The following ARL15 variants were observed in gnomAD, a reference collection of about 807,000 sequenced individuals.
ARL15 encodes the protein ADP-ribosylation factor-like protein 15.
Under a neutral mutation model 25.2 loss-of-function variants are expected in ARL15, and 19 were observed. The observed-to-expected ratio is 0.75, with a 90% CI of 0.53 to 1.10. The LOEUF (loss-of-function observed/expected upper bound fraction) is 1.10. Among genes scored for constraint, ARL15 ranks in the 50% least tolerant of loss-of-function variants. The probability of loss-of-function intolerance (pLI) is 0.00; values close to 1 mark genes in which losing one functional copy is unlikely to be tolerated. For missense variants in ARL15, 220 were observed against 246.0 expected (o/e 0.89, Z 0.71); for synonymous variants, 94 against 86.8 (o/e 1.08, Z -0.46).
At chr5:54,185,457 T>C (rs1009864123) in intron 1 of ARL15, among the ~76,000 whole-genome samples, 1 of 152,212 alleles carries the variant, frequency 6.6e-6, no homozygotes, top group Non-Finnish European at 1.5e-5. Flanking sequence ...TGATTTGCCA[T>C]CCATCTTCCC....
intron 4 of ARL15, among the ~76,000 whole-genome samples, chr5:54,064,730 TAA>T (rs11318177): frequency 1.8e-4 from 26 of 148,084 alleles, no homozygotes; most frequent in South Asian, 2.1e-4. Flanking sequence ...ATCTAGTGAG[TAA>T]AAAAAAAAAA....
intron 4 of ARL15, among the ~76,000 whole-genome samples, chr5:54,026,119 A>G (rs1398830623): frequency 6.6e-6 from 1 of 152,200 alleles, no homozygotes; most frequent in African/African-American, 2.4e-5. Context: ...TTAATGCTGA[A>G]TTTTTAGACT....
intron 2 of ARL15, among the ~76,000 whole-genome samples, chr5:54,162,636 A>G (rs574953510): frequency 8.5e-5 from 13 of 152,220 alleles, no homozygotes; most frequent in African/African-American, 3.1e-4. Flanking sequence ...AATGAACTCA[A>G]TATTTGGCTA....
At chr5:54,293,904 C>T (rs1180912014) in intron 1 of ARL15, among the ~76,000 whole-genome samples, 1 of 152,152 alleles carries the variant, frequency 6.6e-6, no homozygotes, top group Non-Finnish European at 1.5e-5. Context: ...TCTCAGCTCA[C>T]TGCAACCTCC....
intron 4 of ARL15, among the ~76,000 whole-genome samples, chr5:54,032,427 G>A (rs1750022004): frequency 6.6e-6 from 1 of 152,006 alleles, no homozygotes; most frequent in African/African-American, 2.4e-5. Flanking sequence ...CACAGACAGG[G>A]TTTCATCATG....
chr5:53,930,554 GC>G (rs1746165394), intron 4 of ARL15, among the ~76,000 whole-genome samples: 1 of 152,160 alleles, frequency 6.6e-6, no homozygotes, highest in South Asian at 2.1e-4. Flanking sequence ...TAGAAAGGAG[GC>G]AGAGGTATTG....
At chr5:54,055,015 A>C (rs1436014992) in intron 4 of ARL15, among the ~76,000 whole-genome samples, 1 of 152,196 alleles carries the variant, frequency 6.6e-6, no homozygotes, top group Admixed American at 6.5e-5. Context: ...ATACCACACA[A>C]TTTATGCACT....
intron 4 of ARL15, among the ~76,000 whole-genome samples, chr5:54,015,360 T>A (rs1749395781): frequency 6.6e-6 from 1 of 151,192 alleles, no homozygotes; most frequent in Admixed American, 6.6e-5. Flanking sequence ...TTCCCAAACC[T>A]GAAAAAAATC....
At chr5:54,220,488 G>A (rs1756343360) in intron 1 of ARL15, among the ~76,000 whole-genome samples, 1 of 152,166 alleles carries the variant, frequency 6.6e-6, no homozygotes, top group African/African-American at 2.4e-5. Context: ...TGTTTGACCT[G>A]TTTCATTTCC....
intron 4 of ARL15, among the ~76,000 whole-genome samples, chr5:54,029,323 C>CCACCAA (rs1749891890): frequency 8.5e-6 from 1 of 117,524 alleles, no homozygotes; most frequent in Non-Finnish European, 1.8e-5. Flanking sequence ...ACCACCACCA[C>CCACCAA]CACCACCACT....
At chr5:54,033,972 C>A (rs1750087925) in intron 4 of ARL15, among the ~76,000 whole-genome samples, 1 of 152,058 alleles carries the variant, frequency 6.6e-6, no homozygotes. Flanking sequence ...CGCCACCATG[C>A]CCGGCTAATT....
At chr5:54,065,055 A>T (rs1751176862) in intron 4 of ARL15, among the ~76,000 whole-genome samples, 1 of 152,186 alleles carries the variant, frequency 6.6e-6, no homozygotes, top group Non-Finnish European at 1.5e-5. Context: ...ACTGAATAGC[A>T]AGTAAGATAT....
chr5:54,272,286 A>G (rs1477815304), intron 1 of ARL15, among the ~76,000 whole-genome samples: 3 of 151,996 alleles, frequency 2.0e-5, no homozygotes, highest in Non-Finnish European at 4.4e-5. Context: ...TTCCCAAACT[A>G]CGGATATGAG....
intron 3 of ARL15, among the ~76,000 whole-genome samples, chr5:54,134,537 T>C (rs945104179): frequency 6.8e-6 from 1 of 147,644 alleles, no homozygotes; most frequent in Non-Finnish European, 1.5e-5. Context: ...TTATTCCCTA[T>C]AGCCTGTGAG....
At chr5:54,073,434 C>T (rs1751484033) in intron 4 of ARL15, among the ~76,000 whole-genome samples, 1 of 152,164 alleles carries the variant, frequency 6.6e-6, no homozygotes, top group Non-Finnish European at 1.5e-5. Context: ...TAAGAGGACT[C>T]AAAGTCTGAA....
chr5:54,262,627 C>T (rs1345623393), intron 1 of ARL15, among the ~76,000 whole-genome samples: 1 of 152,100 alleles, frequency 6.6e-6, no homozygotes, highest in African/African-American at 2.4e-5. Context: ...TGTCTCCTAT[C>T]TCTATTAAGT....
intron 1 of ARL15, among the ~76,000 whole-genome samples, chr5:54,210,671 A>T (rs1407831542): frequency 6.6e-6 from 1 of 152,202 alleles, no homozygotes; most frequent in Non-Finnish European, 1.5e-5. Flanking sequence ...TTCCAAAGGA[A>T]GTTTTGTTGC....
intron 4 of ARL15, among the ~76,000 whole-genome samples, chr5:53,944,936 A>T (rs1487345976): frequency 6.6e-6 from 1 of 152,236 alleles, no homozygotes; most frequent in African/African-American, 2.4e-5. Flanking sequence ...TATAGGTTCA[A>T]TACTTCTAAG....
chr5:53,942,875 G>A (rs1461634052), intron 4 of ARL15, among the ~76,000 whole-genome samples: 1 of 152,148 alleles, frequency 6.6e-6, no homozygotes, highest in Non-Finnish European at 1.5e-5. Flanking sequence ...GACATGTGAG[G>A]GTGTGATAAG....
Sources: gnomAD v4.1 joint callset for allele counts (sites outside exome capture counted in the v4.1 genomes callset) on GRCh38, gnomAD v4.1.1 for gene constraint, MANE v1.5 for transcripts, NCBI Gene and HGNC (gene_info 2026-07-23, HGNC 2026-07-21) for gene names.